BTBD2: variants seen among roughly 807,000 people sequenced by gnomAD.
BTBD2 encodes BTB domain containing 2.
BTBD2 carries 15 observed loss-of-function variants against 44.0 expected under a neutral mutation model. The ratio of observed to expected loss-of-function variants is 0.34; its 90% CI spans 0.23 to 0.53. The LOEUF (loss-of-function observed/expected upper bound fraction) is 0.53, where lower values mean the gene tolerates loss of function less well. BTBD2 is among the 20% of genes least tolerant of loss of function. BTBD2 has a pLI of 0.95. For synonymous variants in BTBD2, 443 were observed against 335.9 expected, an observed-to-expected ratio of 1.32 and a Z score of -3.49; for missense variants, 657 against 746.4, an observed-to-expected ratio of 0.88 and a Z score of 1.39.
intron 1 of BTBD2, among the ~76,000 whole-genome samples, chr19:2,000,510 G>GGGTCCCCAGGCAGCTCTGCC: frequency 6.6e-6 from 1 of 152,294 alleles, no homozygotes; most frequent in South Asian, 2.1e-4. Flanking sequence ...TGACATGGGC[G>GGGTCCCCAGGCAGCTCTGCC]GGTCCCCAGG....
intron 1 of BTBD2, 105 bp downstream of exon 1, chr19:2,015,192 G>A (rs1392772588): frequency 2.9e-6 from 4 of 1,388,426 alleles, no homozygotes; most frequent in South Asian, 1.5e-5. Flanking sequence ...GGGGATGGAG[G>A]GGTGCGGGGG....
At chr19:1,997,225 A>G (rs2016262669) in intron 2 of BTBD2, 119 bp downstream of exon 2, 2 of 1,451,748 alleles carry the variant, frequency 1.4e-6, no homozygotes, top group East Asian at 4.6e-5. Context: ...TTGCACAGGA[A>G]CGTTCTAGAA....
rs544296919 is a variant in BTBD2, at chr19:1,993,590, C to G, written c.528-414G>C. Among the ~76,000 whole-genome samples the G allele has an allele frequency of 3.2e-4, 48 of 152,208 alleles. 2 individuals are homozygous for G. The highest frequency in any genetic ancestry group is 1.1e-3 in the African/African-American group (47 of 41,532). On this transcript the variant is annotated intron_variant, in intron 2 of 8. Coordinates refer to ENST00000255608, the MANE Select transcript of BTBD2 (RefSeq NM_017797.4). ...AAACCTCAACCACTTCTGGGTGGAT[C>G]ATAGAACCCAACACGCTAATTAGGA...
At chr19:2,011,909 C>T (rs2016469564) in intron 1 of BTBD2, among the ~76,000 whole-genome samples, 1 of 151,970 alleles carries the variant, frequency 6.6e-6, no homozygotes, top group Non-Finnish European at 1.5e-5. Flanking sequence ...GGCTGGAGTG[C>T]AGTAGCGCAA....
chr19:1,993,883 G>C (rs1284213835), intron 2 of BTBD2, among the ~76,000 whole-genome samples: 2 of 149,884 alleles, frequency 1.3e-5, no homozygotes, highest in African/African-American at 4.9e-5. Context: ...TGTAGTCCCA[G>C]CTACTTGGGA....
rs984833876 is a variant in BTBD2, at chr19:1,992,100, C to CT, written c.684+919dup. The CT allele has an allele frequency of 1.3e-3, 196 of 145,966 alleles. 1 individual carries two copies. The Middle Eastern group carries it at 0.022, about 17-fold the overall frequency. The allele number at this position is 145,966 out of a possible 1,614,324, so 9.0% of individuals were successfully genotyped here. ...CCCGTCTCAAAAAAAAATTATTTTA[C>CT]TTTTTTTTTAGAGACAGGGTCTCAC... On this transcript the variant is annotated intron_variant, in intron 3 of 8. Transcript: ENST00000255608.
At chr19:2,000,134 C>T (rs566432854) in intron 1 of BTBD2, among the ~76,000 whole-genome samples, 23 of 152,238 alleles carry the variant, frequency 1.5e-4, no homozygotes, top group African/African-American at 4.8e-4. Context: ...CGCCCTCGGA[C>T]GCCTTGATCC....
intron 1 of BTBD2, among the ~76,000 whole-genome samples, chr19:2,000,330 T>C (rs78326108): frequency 0.012 from 1,873 of 152,322 alleles, 37 homozygotes; most frequent in African/African-American, 0.042. Flanking sequence ...TCCCACACGA[T>C]GTTCCAGAAA....
In BTBD2 at chr19:1,997,471, G is replaced by C. The variant is rs141725644; in HGVS notation, c.408-8C>G. Reference sequence around the variant, plus strand: ...CCCACGGCCAGCACGAACCTGGTACGGGAGAGAGAAGGCCCTGGTTAAGCC... The same window carrying C: ...CCCACGGCCAGCACGAACCTGGTACCGGAGAGAGAAGGCCCTGGTTAAGCC... On this transcript the variant is annotated splice_polypyrimidine_tract_variant and splice_region_variant and intron_variant, in intron 1 of 8. Coordinates refer to ENST00000255608, the MANE Select transcript of BTBD2 (RefSeq NM_017797.4). 7 of 1,613,856 alleles carry C rather than the reference G, an allele frequency of 4.3e-6. No individual in the cohort carries two copies. The highest frequency in any genetic ancestry group is 5.9e-6 in the Non-Finnish European group (7 of 1,179,980).
At chr19:2,001,424 G>A (rs7257280) in intron 1 of BTBD2, among the ~76,000 whole-genome samples, 3,934 of 152,226 alleles carry the variant, frequency 0.026, 193 homozygotes, top group African/African-American at 0.086. Flanking sequence ...CCCTGGAGGC[G>A]GAGGTCGCAG....
chr19:1,990,923 G>A (rs1005940633), intron 3 of BTBD2, 101 bp from the exon 4 acceptor site: 13 of 1,099,318 alleles, frequency 1.2e-5, no homozygotes, highest in East Asian at 1.1e-4. Context: ...CTGACCACAC[G>A]GGCCTTCCTG....
chr19:1,992,930 CGCCTCCGCCTCCAGCCTCGGTCCG>C, intron 3 of BTBD2, 66 bp downstream of exon 3: 4 of 731,326 alleles, frequency 5.5e-6, no homozygotes, highest in Non-Finnish European at 3.7e-6. Context: ...CCCCCGGCCC[CGCCTCCGCCTCCAGCCTCGGTCCG>C]CCCCACCCCG....
At chr19:2,010,036 C>T (rs1488923138) in intron 1 of BTBD2, among the ~76,000 whole-genome samples, 2 of 152,102 alleles carry the variant, frequency 1.3e-5, no homozygotes. Context: ...CCTGTAGTCC[C>T]AGCTACTCGG....
At position 1,987,159 on chromosome 19, in the gene BTBD2, C is replaced by T. The variant is rs200226391; in HGVS notation, c.1269+7G>A. ...TGGGGCCTGGGGATGAGGCTTGGGGCTGGTACCTGGATGTTCACTTGGTAG... is the reference window on the plus strand; with the variant it reads ...TGGGGCCTGGGGATGAGGCTTGGGGTTGGTACCTGGATGTTCACTTGGTAG... On this transcript the variant is annotated splice_region_variant and intron_variant, in intron 7 of 8. Coordinates refer to ENST00000255608, the MANE Select transcript of BTBD2 (RefSeq NM_017797.4). The T allele has an allele frequency of 2.1e-5, 34 of 1,613,340 alleles. No homozygotes were observed. The African/African-American group carries it at 2.5e-4, about 12-fold the overall frequency.
At chr19:1,986,797 C>T in intron 8 of BTBD2, 33 bp downstream of exon 8, 1 of 1,583,180 alleles carries the variant, frequency 6.3e-7, no homozygotes, top group South Asian at 1.1e-5. Context: ...GCCAGAGACT[C>T]CCACGGAGGG....
At chr19:2,015,155 T>A in intron 1 of BTBD2, 142 bp downstream of exon 1, 6 of 1,173,802 alleles carry the variant, frequency 5.1e-6, no homozygotes, top group Non-Finnish European at 6.4e-6. Context: ...GGTGCAGGGG[T>A]CCCGGGGACA....
At chr19:1,998,103 ACAC>A (rs899130280) in intron 1 of BTBD2, among the ~76,000 whole-genome samples, 3 of 152,068 alleles carry the variant, frequency 2.0e-5, no homozygotes, top group South Asian at 2.1e-4. Flanking sequence ...TCACACACAC[ACAC>A]ATTCGTTCAT....
At chr19:2,003,208 T>C in intron 1 of BTBD2, 1 of 152,204 alleles carries the variant, frequency 6.6e-6, no homozygotes, top group Non-Finnish European at 1.5e-5. Flanking sequence ...GTGCAGTGGC[T>C]CACCCCTGTA....
chr19:2,013,390 A>AGGGCTGG (rs1417171975), intron 1 of BTBD2, among the ~76,000 whole-genome samples: 1 of 144,426 alleles, frequency 6.9e-6, no homozygotes, highest in Non-Finnish European at 1.5e-5. Flanking sequence ...CCCAGAAAGG[A>AGGGCTGG]GGGCTGGGGG....
Sources: gnomAD v4.1 joint callset for allele counts (sites outside exome capture counted in the v4.1 genomes callset) on GRCh38, gnomAD v4.1.1 for gene constraint, MANE v1.5 for transcripts, NCBI Gene and HGNC (gene_info 2026-07-23, HGNC 2026-07-21) for gene names.